Variants in SYBU observed in about 807,000 individuals in gnomAD.
The protein encoded by SYBU is GOLSYN A protein.
Under a neutral mutation model 35.9 loss-of-function variants are expected in SYBU, and 21 were observed. The ratio of observed to expected loss-of-function variants is 0.58; its 90% CI spans 0.41 to 0.84. The LOEUF is 0.84. Ranked by LOEUF, SYBU falls within the 40% of genes least tolerant of loss-of-function variation. The probability of loss-of-function intolerance (pLI) is 0.00; values close to 1 mark genes in which losing one functional copy is unlikely to be tolerated. For missense variants in SYBU, 768 were observed against 848.2 expected (o/e 0.91, Z 1.17); for synonymous variants, 319 against 324.3 (o/e 0.98, Z 0.18).
chr8:109,622,424 G>A (rs1308086648), intron 2 of SYBU, among the ~76,000 whole-genome samples: 1 of 152,022 alleles, frequency 6.6e-6, no homozygotes, highest in Admixed American at 6.5e-5. Flanking sequence ...GTAGAGATGG[G>A]GTTTCTCCAT....
intron 3 of SYBU, among the ~76,000 whole-genome samples, chr8:109,611,832 T>G (rs1003267985): frequency 1.3e-5 from 2 of 152,226 alleles, no homozygotes; most frequent in African/African-American, 4.8e-5. Flanking sequence ...ATGTCCAACT[T>G]TCTGTACTTC....
At chr8:109,652,545 G>A (rs1056396443) in intron 1 of SYBU, among the ~76,000 whole-genome samples, 2 of 152,110 alleles carry the variant, frequency 1.3e-5, no homozygotes, top group African/African-American at 4.8e-5. Context: ...TGATCACCTA[G>A]GACGGCATCA....
In SYBU at chr8:109,586,133, T is replaced by G; in HGVS notation, c.457A>C (p.Ser153Arg). 6.2e-7 allele frequency: 1 copy of G among 1,610,656 alleles called. No individual in the cohort carries two copies. Among genetic ancestry groups the G allele is most frequent in the Non-Finnish European group, 8.5e-7 (1 of 1,178,826 alleles). ...TCAGGAGCGGAAATGCTGCCTGTGC[T>G]GCTCGAGGAGCTAAAATCAGCTTCA... is the stretch of plus-strand genomic sequence containing the variant. ...GSEADFSSSS[S>R]TGSISAPEVH... is the part of the protein sequence containing the mutation. The change falls in exon 4 of 7, where the codon AGC becomes CGC. Residue 153 changes from serine to arginine, a missense_variant. Ser to Arg is a moderately radical substitution (Grantham distance 110). Coordinates refer to ENST00000276646, the MANE Select transcript of SYBU (RefSeq NM_001099754.2).
chr8:109,643,053 G>A, intron 1 of SYBU, 121 bp from the exon 2 acceptor site: 1 of 1,406,762 alleles, frequency 7.1e-7, no homozygotes, highest in Non-Finnish European at 9.2e-7. Context: ...AGTCTTCACA[G>A]AGTAGTCCTT....
intron 1 of SYBU, among the ~76,000 whole-genome samples, chr8:109,678,103 C>A (rs1241652951): frequency 3.2e-5 from 4 of 126,020 alleles, no homozygotes; most frequent in African/African-American, 1.2e-4. Flanking sequence ...CATTGCACTC[C>A]AGCCTGGGCA....
chr8:109,599,072 C>T (rs143716415), intron 3 of SYBU, among the ~76,000 whole-genome samples: 71 of 152,318 alleles, frequency 4.7e-4, no homozygotes, highest in African/African-American at 1.5e-3. Context: ...AAAGTGTTTG[C>T]TTGCACTGAA....
At chr8:109,614,949 AG>A (rs1212104588) in intron 3 of SYBU, among the ~76,000 whole-genome samples, 17 of 152,344 alleles carry the variant, frequency 1.1e-4, no homozygotes, top group African/African-American at 3.1e-4. Flanking sequence ...CCTGTTGGCA[AG>A]GTACAGGCTT....
chr8:109,662,733 T>G (rs980942421), intron 1 of SYBU, among the ~76,000 whole-genome samples: 1 of 152,210 alleles, frequency 6.6e-6, no homozygotes, highest in African/African-American at 2.4e-5. Context: ...AAATTGGCTT[T>G]CTTTTACAAA....
At position 109,664,202 on chromosome 8, in the gene SYBU, T is replaced by A. The variant is rs1816675609; in HGVS notation, c.-129+16509A>T. 2.0e-5 allele frequency among the ~76,000 whole-genome samples: 3 copies of A among 152,312 alleles called. No individual in the cohort carries two copies. In the South Asian group the frequency reaches 6.2e-4, roughly 32 times the overall value. On this transcript the variant is annotated intron_variant, in intron 1 of 5. Coordinates refer to the SYBU transcript ENST00000408889. The stretch of plus-strand genomic sequence containing the variant: ...ACGTACTGATTAATGGCCCATGACA[T>A]GATTTCTCTAAGTGTGTTGCCAGAA...
chr8:109,671,154 A>G (rs186190436), intron 1 of SYBU, among the ~76,000 whole-genome samples: 2 of 152,302 alleles, frequency 1.3e-5, no homozygotes, highest in Admixed American at 1.3e-4. Flanking sequence ...TTCAGAAAGA[A>G]TGAATTCAAA....
At chr8:109,576,783 T>G (rs1030071467) in intron 6 of SYBU, among the ~76,000 whole-genome samples, 1 of 152,164 alleles carries the variant, frequency 6.6e-6, no homozygotes, top group African/African-American at 2.4e-5. Flanking sequence ...TATATATAAT[T>G]TTTTCATATT....
chr8:109,622,615 A>G (rs1248814972), intron 2 of SYBU, among the ~76,000 whole-genome samples: 1 of 152,222 alleles, frequency 6.6e-6, no homozygotes, highest in African/African-American at 2.4e-5. Flanking sequence ...ATACTAAACT[A>G]CATGTGGACC....
At chr8:109,664,893 T>C (rs1307475159) in intron 1 of SYBU, among the ~76,000 whole-genome samples, 1 of 152,170 alleles carries the variant, frequency 6.6e-6, no homozygotes, top group Non-Finnish European at 1.5e-5. Flanking sequence ...CTATAGGGCA[T>C]AAATGGGGAA....
intron 1 of SYBU, among the ~76,000 whole-genome samples, chr8:109,657,850 G>T (rs560211105): frequency 6.6e-6 from 1 of 152,260 alleles, no homozygotes; most frequent in African/African-American, 2.4e-5. Context: ...GTACTCATTT[G>T]TTGGCCATAT....
At chr8:109,608,326 G>T (rs1826278307) in intron 3 of SYBU, among the ~76,000 whole-genome samples, 1 of 152,138 alleles carries the variant, frequency 6.6e-6, no homozygotes, top group East Asian at 1.9e-4. Flanking sequence ...TTTCCACATT[G>T]ATTATAATAT....
intron 3 of SYBU, among the ~76,000 whole-genome samples, chr8:109,588,489 G>T (rs151334284): frequency 4.4e-4 from 67 of 152,258 alleles, no homozygotes; most frequent in African/African-American, 1.6e-3. Flanking sequence ...CTGCATTCAG[G>T]CCTATTTGAA....
chr8:109,620,829 C>T (rs565417265), intron 2 of SYBU, among the ~76,000 whole-genome samples: 7 of 152,276 alleles, frequency 4.6e-5, no homozygotes, highest in African/African-American at 1.7e-4. Context: ...ACACCCCAGG[C>T]TTCAACCCAA....
chr8:109,596,984 A>T (rs1824950329), intron 3 of SYBU, among the ~76,000 whole-genome samples: 1 of 152,254 alleles, frequency 6.6e-6, no homozygotes, highest in Non-Finnish European at 1.5e-5. Flanking sequence ...TATGAAGAGT[A>T]AAAGTAAAAC....
rs578192137 is a variant in SYBU at position 109,679,398 on chromosome 8, G to C, written c.-129+1313C>G. Among the ~76,000 whole-genome samples, 398 of 152,288 alleles carry C rather than the reference G, an allele frequency of 2.6e-3. 1 individual carries two copies. The highest frequency in any genetic ancestry group is 4.1e-3 in the Non-Finnish European group (282 of 68,032). On this transcript the variant is annotated intron_variant, in intron 1 of 5. Coordinates refer to the SYBU transcript ENST00000408889. ...GTTTCTTTACTTGTCTAATAAACTT[G>C]CTTTCATGTTACTCTATGAATTTGC...
Sources: allele counts gnomAD v4.1 joint callset (sites outside exome capture counted in the v4.1 genomes callset), GRCh38; gene constraint gnomAD v4.1.1; transcripts MANE v1.5; gene names NCBI Gene and HGNC (gene_info 2026-07-23, HGNC 2026-07-21).